Variants in AGBL1 observed in about 807,000 individuals in gnomAD.
AGBL1 encodes the protein cytosolic carboxypeptidase 4.
A neutral mutation model predicts 118.9 loss-of-function variants in AGBL1; 130 were observed. The ratio of observed to expected loss-of-function variants is 1.09; its 90% CI spans 0.95 to 1.26. AGBL1 has a LOEUF of 1.26. Ranked by LOEUF, AGBL1 falls within the 50% of genes most tolerant of loss-of-function variation. The probability of loss-of-function intolerance (pLI) is 0.00; values close to 1 mark genes in which losing one functional copy is unlikely to be tolerated. For missense variants in AGBL1, 1,584 were observed against 1,298.1 expected (o/e 1.22, Z -3.38); for synonymous variants, 555 against 478.9 (o/e 1.16, Z -2.08).
At chr15:86,691,607 T>G (rs2086173172) in intron 22 of AGBL1, among the ~76,000 whole-genome samples, 1 of 152,138 alleles carries the variant, frequency 6.6e-6, no homozygotes, top group Non-Finnish European at 1.5e-5. Context: ...GAGGTGGGTT[T>G]CAGACATTAT....
At chr15:86,652,612 A>G (rs892382937) in intron 21 of AGBL1, among the ~76,000 whole-genome samples, 4 of 152,144 alleles carry the variant, frequency 2.6e-5, no homozygotes, top group Non-Finnish European at 5.9e-5. Context: ...CATACTATCC[A>G]TTTATTCTCC....
chr15:86,396,150 T>C (rs564467382), intron 17 of AGBL1, among the ~76,000 whole-genome samples: 2 of 27,992 alleles, frequency 7.1e-5, no homozygotes, highest in East Asian at 5.0e-3. Flanking sequence ...TATATGTGTA[T>C]ATATATATAT....
chr15:86,867,906 C>A (rs1452549902), intron 22 of AGBL1, among the ~76,000 whole-genome samples: 1 of 152,070 alleles, frequency 6.6e-6, no homozygotes, highest in Non-Finnish European at 1.5e-5. Flanking sequence ...TCCCAATGAA[C>A]CCAGATTATT....
At chr15:86,850,476 C>A (rs959970566) in intron 22 of AGBL1, among the ~76,000 whole-genome samples, 3 of 152,202 alleles carry the variant, frequency 2.0e-5, no homozygotes, top group South Asian at 2.1e-4. Context: ...AGTACCCAAT[C>A]GTCCTCACAC....
At chr15:86,357,646 C>T (rs11638248) in intron 17 of AGBL1, among the ~76,000 whole-genome samples, 53,934 of 151,896 alleles carry the variant, frequency 0.36, 11,332 homozygotes, top group Non-Finnish European at 0.47. Flanking sequence ...TTATCTACTT[C>T]CCTCCTTTAC....
intron 5 of AGBL1, among the ~76,000 whole-genome samples, chr15:86,164,217 G>A (rs1439593589): frequency 6.6e-6 from 1 of 152,186 alleles, no homozygotes; most frequent in East Asian, 1.9e-4. Flanking sequence ...CTAGTGTTTG[G>A]TCTGTTAATG....
chr15:86,774,097 A>C (rs997447726), intron 22 of AGBL1, among the ~76,000 whole-genome samples: 1 of 152,088 alleles, frequency 6.6e-6, no homozygotes, highest in African/African-American at 2.4e-5. Flanking sequence ...ACCATCTGCA[A>C]CTTCAGTCCT....
At chr15:86,924,889 C>A (rs1180190501) in intron 23 of AGBL1, among the ~76,000 whole-genome samples, 1 of 151,756 alleles carries the variant, frequency 6.6e-6, no homozygotes, top group Non-Finnish European at 1.5e-5. Context: ...TCCTGGCTAA[C>A]ATGGTGAAAC....
intron 3 of AGBL1, among the ~76,000 whole-genome samples, chr15:86,149,335 A>T (rs1011087950): frequency 2.6e-5 from 4 of 152,232 alleles, no homozygotes; most frequent in African/African-American, 9.7e-5. Flanking sequence ...AGACTGGCAA[A>T]TTGGATAAAG....
rs2077689771 is a variant in AGBL1 at position 86,189,768 on chromosome 15, C to A, written c.488+30742C>A. Among the ~76,000 whole-genome samples the A allele has an allele frequency of 2.0e-5, 3 of 152,276 alleles. No homozygotes were observed. In the South Asian group the frequency reaches 6.2e-4, roughly 32 times the overall value. ...CTGCAGAACCATGAGCAAAATCAACCTCTTTTCTGTGTAAATTACCCAGTC... is the reference window on the plus strand; with the variant it reads ...CTGCAGAACCATGAGCAAAATCAACATCTTTTCTGTGTAAATTACCCAGTC... On this transcript the variant is annotated intron_variant, in intron 5 of 22. Transcript: ENST00000614907.
chr15:86,644,879 G>T (rs1410384568), intron 21 of AGBL1, among the ~76,000 whole-genome samples: 1 of 147,346 alleles, frequency 6.8e-6, no homozygotes, highest in Non-Finnish European at 1.5e-5. Context: ...AAAATAGCTG[G>T]GCGTGGTGGC....
intron 5 of AGBL1, among the ~76,000 whole-genome samples, chr15:86,196,886 C>CAA (rs2077820568): frequency 7.9e-6 from 1 of 127,284 alleles, no homozygotes; most frequent in Non-Finnish European, 1.7e-5. Flanking sequence ...CGCGCACACA[C>CAA]ACACACACAC....
intron 19 of AGBL1, among the ~76,000 whole-genome samples, chr15:86,544,997 G>A (rs190168648): frequency 2.4e-4 from 36 of 152,250 alleles, no homozygotes; most frequent in African/African-American, 8.4e-4. Context: ...CTCCCTTTAG[G>A]AGGAACGTAC....
At chr15:86,791,723 GTT>G (rs201460905) in intron 22 of AGBL1, among the ~76,000 whole-genome samples, 89 of 106,928 alleles carry the variant, frequency 8.3e-4, no homozygotes, top group South Asian at 3.8e-3. Context: ...ATCTTTCCTT[GTT>G]TTTTATATAT....
chr15:86,736,781 G>A (rs757480044), intron 22 of AGBL1, among the ~76,000 whole-genome samples: 2 of 152,098 alleles, frequency 1.3e-5, no homozygotes, highest in African/African-American at 2.4e-5. Context: ...ATTAATACCT[G>A]GCTTTTAGAC....
intron 1 of AGBL1, among the ~76,000 whole-genome samples, chr15:86,096,563 T>C (rs1896392065): frequency 6.6e-6 from 1 of 152,154 alleles, no homozygotes; most frequent in Non-Finnish European, 1.5e-5. Context: ...GAGAAGAGTA[T>C]TGGGGAAAAG....
intron 18 of AGBL1, among the ~76,000 whole-genome samples, chr15:86,484,293 C>T (rs888849434): frequency 6.6e-6 from 1 of 152,038 alleles, no homozygotes; most frequent in Non-Finnish European, 1.5e-5. Flanking sequence ...AGGTTTTGTA[C>T]ACTTTGGAGG....
intron 23 of AGBL1, among the ~76,000 whole-genome samples, chr15:86,960,696 A>G (rs1280598394): frequency 6.6e-6 from 1 of 152,080 alleles, no homozygotes; most frequent in Non-Finnish European, 1.5e-5. Context: ...GCATTATTCA[A>G]AATAGCCAAG....
chr15:86,112,465 G>C (rs1050714331), intron 1 of AGBL1, among the ~76,000 whole-genome samples: 2 of 152,144 alleles, frequency 1.3e-5, no homozygotes, highest in Admixed American at 1.3e-4. Flanking sequence ...ATCAATGATT[G>C]AACATTGTTC....
Sources: gnomAD v4.1 joint callset for allele counts (sites outside exome capture counted in the v4.1 genomes callset) on GRCh38, gnomAD v4.1.1 for gene constraint, MANE v1.5 for transcripts, NCBI Gene and HGNC (gene_info 2026-07-23, HGNC 2026-07-21) for gene names.